SLC24A4: variants seen among roughly 807,000 people sequenced by gnomAD.
SLC24A4 encodes the protein solute carrier family 24 member 4.
A neutral mutation model predicts 79.0 loss-of-function variants in SLC24A4; 53 were observed. The ratio of observed to expected loss-of-function variants is 0.67; its 90% CI spans 0.54 to 0.84. The LOEUF (loss-of-function observed/expected upper bound fraction) is 0.84. Ranked by LOEUF, SLC24A4 falls within the 40% of genes least tolerant of loss-of-function variation. SLC24A4 has a pLI of 0.00. For synonymous variants in SLC24A4, 323 were observed against 323.8 expected, an observed-to-expected ratio of 1.00 and a Z score of 0.03; for missense variants, 731 against 822.0, an observed-to-expected ratio of 0.89 and a Z score of 1.35.
At chr14:92,469,806 G>A (rs924397202) in intron 12 of SLC24A4, among the ~76,000 whole-genome samples, 8 of 152,168 alleles carry the variant, frequency 5.3e-5, no homozygotes, top group Admixed American at 4.6e-4. Flanking sequence ...GTGAAAGCCA[G>A]ACACAAAAGC....
intron 2 of SLC24A4, among the ~76,000 whole-genome samples, chr14:92,340,492 C>T (rs531154751): frequency 1.3e-5 from 2 of 152,290 alleles, no homozygotes; most frequent in Admixed American, 6.5e-5. Context: ...GAGAACTTGA[C>T]CAAATCAGGG....
intron 2 of SLC24A4, among the ~76,000 whole-genome samples, chr14:92,333,970 G>T (rs540141985): frequency 3.9e-5 from 6 of 152,234 alleles, no homozygotes; most frequent in African/African-American, 1.4e-4. Context: ...GGTGGAGAAA[G>T]CACGAGAAAT....
At chr14:92,376,240 C>G (rs1411577301) in intron 2 of SLC24A4, among the ~76,000 whole-genome samples, 51 of 152,308 alleles carry the variant, frequency 3.3e-4, no homozygotes, top group African/African-American at 1.2e-3. Context: ...AATGGAGCTG[C>G]CGATAGAACC....
In SLC24A4 at chr14:92,372,867, CCCTTCCTT is replaced by C. The variant is rs1276150058; in HGVS notation, c.241+46934_241+46941del. Among the ~76,000 whole-genome samples the C allele has an allele frequency of 9.0e-3, 994 of 109,884 alleles. 24 individuals are homozygous for C. The highest frequency in any genetic ancestry group is 0.031 in the African/African-American group (858 of 27,982). 72.1% of individuals were successfully genotyped at this position (109,884 alleles called of 152,430 possible). ...CCTCTAGAACAGAAAGGGTCACTGT[CCCTTCCTT>C]CCTTCCTTCCTTCCTTCCTTCCTTC... On this transcript the variant is annotated intron_variant, in intron 2 of 16. Transcript: ENST00000532405.
At chr14:92,447,512 T>C in intron 9 of SLC24A4, 88 bp downstream of exon 9, 1 of 1,298,452 alleles carries the variant, frequency 7.7e-7, no homozygotes, top group South Asian at 1.2e-5. Context: ...GAAAAACATC[T>C]GTCAGATCTT....
At chr14:92,483,901 G>A (rs1485164608) in intron 13 of SLC24A4, 1 of 1,284,294 alleles carries the variant, frequency 7.8e-7, no homozygotes, top group African/African-American at 1.5e-5. Flanking sequence ...AGCAGGGCCA[G>A]TAAACGTTCC....
chr14:92,445,211 A>G (rs1892730679), intron 7 of SLC24A4, 106 bp from the exon 8 acceptor site: 1 of 1,217,352 alleles, frequency 8.2e-7, no homozygotes, highest in Non-Finnish European at 1.2e-6. Flanking sequence ...AACACATATA[A>G]CAAGGCCAGT....
In SLC24A4 at chr14:92,499,052, T is replaced by A. The variant is rs1409751252; in HGVS notation, c.*5424T>A. Reference sequence around the variant, plus strand: ...GAGAGGTTTTAGGGCTTTGGTTATTTTATGGGGGTTTTAAACCTCCTAACT... The same window carrying A: ...GAGAGGTTTTAGGGCTTTGGTTATTATATGGGGGTTTTAAACCTCCTAACT... On this transcript the variant is annotated 3_prime_UTR_variant, in exon 17 of 17. Transcript: ENST00000532405. The A allele has an allele frequency of 2.0e-5, 3 of 152,210 alleles. No homozygotes were observed. The highest frequency in any genetic ancestry group is 4.4e-5 in the Non-Finnish European group (3 of 68,046). 9.4% of individuals were successfully genotyped at this position (152,210 alleles called of 1,614,324 possible). A position where few individuals can be genotyped will look rare whatever the true frequency, so the allele number is the denominator to read the frequency against.
chr14:92,388,172 G>C (rs1889269140), intron 2 of SLC24A4, among the ~76,000 whole-genome samples: 1 of 152,144 alleles, frequency 6.6e-6, no homozygotes, highest in South Asian at 2.1e-4. Context: ...TCTGAACCTG[G>C]GGTGGACACT....
chr14:92,486,909 A>T, intron 14 of SLC24A4, 129 bp downstream of exon 14: 1 of 605,458 alleles, frequency 1.7e-6, no homozygotes, highest in Non-Finnish European at 3.0e-6. Context: ...TGTGGAGAAA[A>T]ACTGCGACAT....
chr14:92,446,174 ATG>A (rs1491213388), intron 8 of SLC24A4, among the ~76,000 whole-genome samples: 2,309 of 58,432 alleles, frequency 0.04, 63 homozygotes, highest in African/African-American at 0.15. Context: ...CGTGCATTCT[ATG>A]TTTTTTTTTT....
intron 12 of SLC24A4, among the ~76,000 whole-genome samples, chr14:92,472,228 G>A (rs1437126090): frequency 6.6e-6 from 1 of 152,134 alleles, no homozygotes; most frequent in Non-Finnish European, 1.5e-5. Flanking sequence ...AGAGCTCCCT[G>A]AAGTTATTCA....
chr14:92,415,033 G>T (rs1047029490), intron 2 of SLC24A4, among the ~76,000 whole-genome samples: 5 of 152,078 alleles, frequency 3.3e-5, no homozygotes, highest in African/African-American at 1.2e-4. Flanking sequence ...CCTGCAGATG[G>T]GGGGATGGTG....
intron 2 of SLC24A4, among the ~76,000 whole-genome samples, chr14:92,404,073 T>C (rs2141770754): frequency 6.6e-6 from 1 of 152,292 alleles, no homozygotes; most frequent in African/African-American, 2.4e-5. Context: ...CAGACTGTGT[T>C]AGAAAAGAGT....
At chr14:92,489,261 A>G (rs1895542042) in intron 14 of SLC24A4, among the ~76,000 whole-genome samples, 1 of 151,984 alleles carries the variant, frequency 6.6e-6, no homozygotes, top group Non-Finnish European at 1.5e-5. Context: ...AACATGGTGA[A>G]ACCCCGTCTC....
At chr14:92,448,067 A>G (rs1440967046) in intron 9 of SLC24A4, among the ~76,000 whole-genome samples, 4 of 152,220 alleles carry the variant, frequency 2.6e-5, no homozygotes, top group Admixed American at 2.0e-4. Context: ...AGCCAGTCAC[A>G]AAAGGACAAC....
chr14:92,474,943 C>T (rs1415439290), intron 12 of SLC24A4, among the ~76,000 whole-genome samples: 1 of 148,826 alleles, frequency 6.7e-6, no homozygotes, highest in Non-Finnish European at 1.5e-5. Flanking sequence ...AGTGATCCAC[C>T]CACCTTGGCC....
chr14:92,329,557 C>A (rs1885350556), intron 2 of SLC24A4, among the ~76,000 whole-genome samples: 2 of 152,176 alleles, frequency 1.3e-5, no homozygotes, highest in African/African-American at 4.8e-5. Context: ...TTTTGTCACT[C>A]TGTCACCCAG....
intron 9 of SLC24A4, 87 bp from the exon 10 acceptor site, chr14:92,448,987 G>C: frequency 6.6e-7 from 1 of 1,521,946 alleles, no homozygotes; most frequent in Non-Finnish European, 9.0e-7. Context: ...TGCTGACTGC[G>C]TGCAGGGATG....
Sources: gnomAD v4.1 joint callset for allele counts (sites outside exome capture counted in the v4.1 genomes callset) on GRCh38, gnomAD v4.1.1 for gene constraint, MANE v1.5 for transcripts, NCBI Gene and HGNC (gene_info 2026-07-23, HGNC 2026-07-21) for gene names.